The following TENM2 variants were observed in gnomAD, a reference collection of about 807,000 sequenced individuals.
TENM2 encodes the protein teneurin transmembrane protein 2.
In TENM2, 52 loss-of-function variants were observed where a neutral mutation model predicts 245.2. The observed-to-expected ratio is 0.21, with a 90% CI of 0.17 to 0.27. TENM2 has a LOEUF of 0.27. TENM2 is among the 10% of genes least tolerant of loss of function. The pLI is 1.00. For synonymous variants in TENM2, 1,363 were observed against 1,438.9 expected, an observed-to-expected ratio of 0.95 and a Z score of 1.19; for missense variants, 3,046 against 3,666.8, an observed-to-expected ratio of 0.83 and a Z score of 4.37.
intron 5 of TENM2, among the ~76,000 whole-genome samples, chr5:167,998,775 A>AC (rs1784233359): frequency 6.6e-6 from 1 of 151,988 alleles, no homozygotes; most frequent in African/African-American, 2.4e-5. Context: ...GCTGCTCAAC[A>AC]CTCTGTCTTC....
At chr5:167,839,147 C>A (rs79566482) in intron 2 of TENM2, among the ~76,000 whole-genome samples, 1 of 152,138 alleles carries the variant, frequency 6.6e-6, no homozygotes, top group Non-Finnish European at 1.5e-5. Flanking sequence ...ATCTGTGAGT[C>A]GGGTGTTTAC....
chr5:168,204,367 C>T lies in TENM2; in HGVS notation c.3575-5C>T. The T allele has an allele frequency of 3.7e-6, 6 of 1,611,798 alleles. No homozygotes were observed. The highest frequency in any genetic ancestry group is 5.1e-6 in the Non-Finnish European group (6 of 1,178,314). ...GTAACCCCTCCCATTCTCCAACCCC[C>T]ACAGGAATCCTACACAAAGGCACTG... is the stretch of plus-strand genomic sequence containing the variant. On this transcript the variant is annotated splice_polypyrimidine_tract_variant and splice_region_variant and intron_variant, in intron 18 of 28. Transcript: ENST00000518659.
intron 2 of TENM2, among the ~76,000 whole-genome samples, chr5:167,479,199 G>GT (rs1767599523): frequency 6.6e-6 from 1 of 152,090 alleles, no homozygotes; most frequent in Non-Finnish European, 1.5e-5. Flanking sequence ...AGTTATCATG[G>GT]TTTTTTTGTA....
intron 1 of TENM2, among the ~76,000 whole-genome samples, chr5:167,334,966 T>C (rs1757670511): frequency 6.6e-6 from 1 of 152,222 alleles, no homozygotes; most frequent in Admixed American, 6.5e-5. Flanking sequence ...GATCAGAACC[T>C]CTCAGGTTAT....
At chr5:167,573,494 TTC>T (rs1561564099) in intron 2 of TENM2, among the ~76,000 whole-genome samples, 4 of 146,418 alleles carry the variant, frequency 2.7e-5, no homozygotes, top group African/African-American at 5.1e-5. Context: ...TTTCTTGATG[TTC>T]TCTGTCTCTC....
intron 2 of TENM2, among the ~76,000 whole-genome samples, chr5:167,647,563 C>A (rs1780044623): frequency 1.3e-5 from 2 of 151,954 alleles, no homozygotes; most frequent in Admixed American, 1.3e-4. Flanking sequence ...GCAGAGGTTG[C>A]AGTGAGCCGA....
chr5:167,210,901 T>C, the TENM2 span, among the ~76,000 whole-genome samples: 1 of 152,192 alleles, frequency 6.6e-6, no homozygotes, highest in African/African-American at 2.4e-5. Context: ...GGGGAAAAGA[T>C]ATAAATGAGA....
intron 5 of TENM2, among the ~76,000 whole-genome samples, chr5:168,001,830 C>A (rs959481528): frequency 1.3e-5 from 2 of 152,172 alleles, no homozygotes; most frequent in African/African-American, 4.8e-5. Context: ...AGATTCTCTG[C>A]ATTCAGAGAG....
At chr5:167,052,018 G>A in the TENM2 span, among the ~76,000 whole-genome samples, 1 of 151,970 alleles carries the variant, frequency 6.6e-6, no homozygotes, top group Non-Finnish European at 1.5e-5. Flanking sequence ...TATAATATTT[G>A]TATTTTTCTA....
chr5:167,287,216 G>A (rs1038894318), intron 1 of TENM2: 4 of 152,162 alleles, frequency 2.6e-5, no homozygotes, highest in African/African-American at 9.7e-5. Flanking sequence ...AGGAGAGGAG[G>A]AACAGGAGAT....
Position 168,247,358 on chromosome 5 carries a change from A to G in TENM2, c.6419A>G (p.Asn2140Ser), listed in dbSNP as rs929630954. ...TTTGGAGTCATCTATTATGACATCAACCAGATCATCACCACTGCCGTGATG... is the reference window on the plus strand; with the variant it reads ...TTTGGAGTCATCTATTATGACATCAGCCAGATCATCACCACTGCCGTGATG... Residue 2140 changes from asparagine to serine, a missense_variant, in exon 27 of 29, where the codon AAC becomes AGC. Physicochemically the swap from Asn to Ser is conservative, Grantham distance 46. Around this residue, in one of 2 missense-constraint regions of TENM2, gnomAD observed 2,704 missense variants for 3,331.9 expected, o/e 0.81. Coordinates refer to ENST00000518659, the Ensembl canonical transcript of TENM2. This position sits in a 1 kb window ranked among gnomAD's most constrained non-coding sequence, Gnocchi z 7.8. The G allele has an allele frequency of 6.2e-7, 1 of 1,613,938 alleles. No homozygotes were observed. Among genetic ancestry groups the G allele is most frequent in the Non-Finnish European group, 8.5e-7 (1 of 1,179,898 alleles).
chr5:168,027,559 GC>G (rs1351402898), intron 5 of TENM2, among the ~76,000 whole-genome samples: 1 of 152,258 alleles, frequency 6.6e-6, no homozygotes, highest in East Asian at 1.9e-4. Context: ...GCTTTCTGGT[GC>G]CATGTTCTGG....
At chr5:167,584,795 C>T (rs1180554106) in intron 2 of TENM2, among the ~76,000 whole-genome samples, 3 of 151,598 alleles carry the variant, frequency 2.0e-5, no homozygotes, top group East Asian at 1.9e-4. Flanking sequence ...CCTGGGTTCA[C>T]GCCATTCTCC....
chr5:168,028,889 G>A (rs1297567589), intron 5 of TENM2, among the ~76,000 whole-genome samples: 1 of 152,066 alleles, frequency 6.6e-6, no homozygotes, highest in Non-Finnish European at 1.5e-5. Flanking sequence ...CTGGGAAAGT[G>A]GAGCTCTCTT....
the TENM2 span, among the ~76,000 whole-genome samples, chr5:167,273,156 G>A: frequency 6.6e-5 from 10 of 152,292 alleles, no homozygotes; most frequent in South Asian, 1.9e-3. Flanking sequence ...AAGGCTTGCA[G>A]GCAAGATCGC....
intron 5 of TENM2, among the ~76,000 whole-genome samples, chr5:168,004,432 T>TG (rs1784642015): frequency 2.0e-5 from 3 of 151,738 alleles, no homozygotes; most frequent in South Asian, 4.2e-4. Context: ...CCATGGCTAG[T>TG]GGTAGTGGGG....
At chr5:167,580,924 C>T (rs919901385) in intron 2 of TENM2, among the ~76,000 whole-genome samples, 3 of 152,242 alleles carry the variant, frequency 2.0e-5, no homozygotes. Context: ...AGGAGGCGGA[C>T]GTTGTAGTGA....
intron 14 of TENM2, among the ~76,000 whole-genome samples, chr5:168,193,675 C>G (rs1761142622): frequency 6.6e-6 from 1 of 152,152 alleles, no homozygotes; most frequent in Non-Finnish European, 1.5e-5. Context: ...TGGGGGGACT[C>G]CATTGTGGAA....
At chr5:167,680,927 C>T (rs1045804222) in intron 2 of TENM2, among the ~76,000 whole-genome samples, 14 of 151,448 alleles carry the variant, frequency 9.2e-5, no homozygotes, top group Admixed American at 2.0e-4. Context: ...GTGTCATAAA[C>T]TTGAATGATG....
Sources: allele counts gnomAD v4.1 joint callset (sites outside exome capture counted in the v4.1 genomes callset), GRCh38; gene constraint gnomAD v4.1.1; regional missense constraint gnomAD v4.1.1; non-coding constraint Gnocchi (gnomAD v3.1); transcripts MANE v1.5; gene names NCBI Gene and HGNC (gene_info 2026-07-23, HGNC 2026-07-21).